Variants in ADGRB3 observed in about 807,000 individuals in gnomAD.
ADGRB3 encodes brain-specific angiogenesis inhibitor 3.
A neutral mutation model predicts 193.4 loss-of-function variants in ADGRB3; 37 were observed. That is an observed-to-expected ratio of 0.19 (90% CI 0.15 to 0.25). The LOEUF is 0.25. Ranked by LOEUF, ADGRB3 falls within the 10% of genes least tolerant of loss-of-function variation. ADGRB3 has a pLI of 1.00. For missense variants in ADGRB3, 1,637 were observed against 1,852.9 expected (o/e 0.88, Z 2.14); for synonymous variants, 690 against 644.2 (o/e 1.07, Z -1.08).
chr6:68,846,954 G>A (rs983813004), intron 3 of ADGRB3, among the ~76,000 whole-genome samples: 4 of 152,268 alleles, frequency 2.6e-5, no homozygotes, highest in Non-Finnish European at 2.9e-5. Context: ...GCAGACAGGA[G>A]GGAGGCTGTA....
intron 3 of ADGRB3, among the ~76,000 whole-genome samples, chr6:68,854,401 AATG>A (rs1799514603): frequency 6.6e-6 from 1 of 152,202 alleles, no homozygotes; most frequent in South Asian, 2.1e-4. Context: ...TCGCCACAAA[AATG>A]ATAACTATGT....
chr6:69,312,663 A>G (rs1420450539), intron 20 of ADGRB3, among the ~76,000 whole-genome samples: 1 of 151,614 alleles, frequency 6.6e-6, no homozygotes, highest in Non-Finnish European at 1.5e-5. Flanking sequence ...CCTGCACCCC[A>G]CCATGGCAGC....
intron 17 of ADGRB3, among the ~76,000 whole-genome samples, chr6:69,122,392 C>T (rs1296880123): frequency 6.9e-6 from 1 of 144,044 alleles, no homozygotes; most frequent in Non-Finnish European, 1.5e-5. Context: ...GAGGCTGCAG[C>T]CAGCCAAGAC....
intron 13 of ADGRB3, among the ~76,000 whole-genome samples, chr6:69,026,962 C>T (rs1770449629): frequency 2.0e-5 from 3 of 152,158 alleles, no homozygotes; most frequent in Admixed American, 2.0e-4. Flanking sequence ...AATTACTATT[C>T]ACTGTTGTAG....
intron 17 of ADGRB3, among the ~76,000 whole-genome samples, chr6:69,077,938 T>C (rs1772280525): frequency 6.6e-6 from 1 of 152,020 alleles, no homozygotes; most frequent in Admixed American, 6.6e-5. Flanking sequence ...TTATTAAAAG[T>C]GTTTTTCTGG....
intron 3 of ADGRB3, among the ~76,000 whole-genome samples, chr6:68,662,897 C>T (rs1768701420): frequency 6.6e-6 from 1 of 150,642 alleles, no homozygotes; most frequent in Admixed American, 6.6e-5. Flanking sequence ...AAATTAACTC[C>T]CAAGGTTTCC....
intron 20 of ADGRB3, among the ~76,000 whole-genome samples, chr6:69,256,250 G>A (rs922975702): frequency 1.3e-5 from 2 of 151,796 alleles, no homozygotes; most frequent in East Asian, 3.8e-4. Context: ...AAAGTCATTG[G>A]TAGCTTGATG....
At chr6:68,914,232 A>G (rs1490323445) in intron 3 of ADGRB3, among the ~76,000 whole-genome samples, 1 of 150,672 alleles carries the variant, frequency 6.6e-6, no homozygotes, top group East Asian at 1.9e-4. Flanking sequence ...ACTCCAAGAC[A>G]CATAATTGTC....
intron 4 of ADGRB3, among the ~76,000 whole-genome samples, chr6:68,931,732 A>G (rs1218127766): frequency 6.6e-6 from 1 of 152,162 alleles, no homozygotes; most frequent in African/African-American, 2.4e-5. Context: ...TAAAAATGCA[A>G]ATATTGTTAA....
chr6:69,243,050 A>T (rs1373528770), intron 20 of ADGRB3, among the ~76,000 whole-genome samples: 1 of 151,832 alleles, frequency 6.6e-6, no homozygotes, highest in Non-Finnish European at 1.5e-5. Flanking sequence ...GACTTTAAGG[A>T]TTTAAAGAAT....
intron 3 of ADGRB3, among the ~76,000 whole-genome samples, chr6:68,707,917 C>A (rs991911399): frequency 2.6e-5 from 4 of 152,134 alleles, no homozygotes; most frequent in African/African-American, 9.7e-5. Context: ...AAAGTCAGTG[C>A]CTCAGGGGCA....
intron 20 of ADGRB3, among the ~76,000 whole-genome samples, chr6:69,251,003 T>C (rs976359334): frequency 1.3e-5 from 2 of 152,322 alleles, no homozygotes; most frequent in Middle Eastern, 3.4e-3. Context: ...CTTTTCTTTC[T>C]GTATATTTCT....
intron 17 of ADGRB3, among the ~76,000 whole-genome samples, chr6:69,185,385 A>C (rs1765046148): frequency 6.6e-6 from 1 of 152,294 alleles, no homozygotes; most frequent in African/African-American, 2.4e-5. Context: ...CTAAGAGAGT[A>C]TATAAACCCT....
chr6:68,813,578 T>TA (rs1767562509), intron 3 of ADGRB3, among the ~76,000 whole-genome samples: 1 of 152,152 alleles, frequency 6.6e-6, no homozygotes, highest in Non-Finnish European at 1.5e-5. Context: ...TTTTTTTTTT[T>TA]AAGTTTTAGG....
intron 19 of ADGRB3, among the ~76,000 whole-genome samples, chr6:69,237,231 G>A (rs561333785): frequency 1.3e-5 from 2 of 151,940 alleles, no homozygotes; most frequent in Admixed American, 6.6e-5. Context: ...AGCATGTTAG[G>A]TTCCTACCAC....
At chr6:69,209,892 C>A (rs1036179486) in intron 17 of ADGRB3, among the ~76,000 whole-genome samples, 1 of 151,782 alleles carries the variant, frequency 6.6e-6, no homozygotes, top group African/African-American at 2.4e-5. Context: ...CTAAACAGTT[C>A]ATGCCAAGGA....
At chr6:69,019,817 A>T (rs1770208876) in intron 13 of ADGRB3, among the ~76,000 whole-genome samples, 1 of 152,010 alleles carries the variant, frequency 6.6e-6, no homozygotes, top group South Asian at 2.1e-4. Context: ...GGACAATTAG[A>T]GTAAAAAGAG....
chr6:68,980,651 T>G (rs1444179247), intron 10 of ADGRB3, among the ~76,000 whole-genome samples: 1 of 151,586 alleles, frequency 6.6e-6, no homozygotes, highest in Non-Finnish European at 1.5e-5. Context: ...TCTTATTGTT[T>G]CTTCAATGAG....
intron 3 of ADGRB3, among the ~76,000 whole-genome samples, chr6:68,646,507 A>C (rs1768220435): frequency 6.6e-6 from 1 of 151,878 alleles, no homozygotes; most frequent in Non-Finnish European, 1.5e-5. Context: ...AAAAGAAAAA[A>C]AGATGGACTT....
Sources: gnomAD v4.1 joint callset for allele counts (sites outside exome capture counted in the v4.1 genomes callset) on GRCh38, gnomAD v4.1.1 for gene constraint, MANE v1.5 for transcripts, NCBI Gene and HGNC (gene_info 2026-07-23, HGNC 2026-07-21) for gene names.